The following CHN1 variants were observed in gnomAD, a reference collection of about 807,000 sequenced individuals.
CHN1 encodes N-chimaerin.
In CHN1, 37 loss-of-function variants were observed where a neutral mutation model predicts 59.5. The ratio of observed to expected loss-of-function variants is 0.62; its 90% CI spans 0.48 to 0.82. CHN1 has a LOEUF of 0.82. CHN1 is among the 40% of genes least tolerant of loss of function. The probability of loss-of-function intolerance (pLI) is 0.00; values close to 1 mark genes in which losing one functional copy is unlikely to be tolerated. For synonymous variants in CHN1, 206 were observed against 200.4 expected, an observed-to-expected ratio of 1.03 and a Z score of -0.24; for missense variants, 469 against 571.0, an observed-to-expected ratio of 0.82 and a Z score of 1.82.
intron 8 of CHN1, among the ~76,000 whole-genome samples, chr2:174,821,001 ATTTCT>A (rs1400130776): frequency 6.6e-6 from 1 of 152,162 alleles, no homozygotes; most frequent in African/African-American, 2.4e-5. Context: ...AGATAAATAC[ATTTCT>A]TTTCTGACAG....
At chr2:174,901,983 A>G (rs1221870298) in intron 5 of CHN1, among the ~76,000 whole-genome samples, 1 of 152,204 alleles carries the variant, frequency 6.6e-6, no homozygotes, top group Non-Finnish European at 1.5e-5. Context: ...ACTGAAAAAA[A>G]GCATACCATA....
chr2:174,803,529 G>A (rs1684794896), intron 11 of CHN1, among the ~76,000 whole-genome samples: 1 of 152,174 alleles, frequency 6.6e-6, no homozygotes, highest in South Asian at 2.1e-4. Flanking sequence ...TAGAATAAAA[G>A]ACGAATACTC....
rs958749293 is a variant in CHN1, at chr2:174,847,439, CTT to C, written c.550-484_550-483del. On this transcript the variant is annotated intron_variant, in intron 6 of 12. Coordinates refer to ENST00000409900, the MANE Select transcript of CHN1 (RefSeq NM_001822.7). ...AACATACAAAACACTCAGCATCTCT[CTT>C]TATCATTTTTTAAAAGGCATGCAAT... is the stretch of plus-strand genomic sequence containing the variant. The C allele has an allele frequency of 2.1e-5, 25 of 1,198,094 alleles. No individual in the cohort carries two copies. In the African/African-American group the frequency reaches 2.7e-4, roughly 13 times the overall value. 74.2% of individuals were successfully genotyped at this position (1,198,094 alleles called of 1,614,324 possible). A position where few individuals can be genotyped will look rare whatever the true frequency, so the allele number is the denominator to read the frequency against.
Position 174,875,222 on chromosome 2 carries a change from G to C in CHN1, c.549+2618C>G, listed in dbSNP as rs528519779. 3.8e-4 allele frequency among the ~76,000 whole-genome samples: 58 copies of C among 152,226 alleles called. No individual in the cohort carries two copies. The South Asian group carries it at 0.011, about 30-fold the overall frequency. On this transcript the variant is annotated intron_variant, in intron 6 of 12. Transcript: ENST00000409900. Reference sequence around the variant, plus strand: ...TTAAATTTTCATCAAACCTATTTGAGCATAGAACCCTTTCTGCAGTATTTA... The same window carrying C: ...TTAAATTTTCATCAAACCTATTTGACCATAGAACCCTTTCTGCAGTATTTA...
intron 1 of CHN1, among the ~76,000 whole-genome samples, chr2:174,962,789 A>C (rs987738848): frequency 4.6e-5 from 7 of 151,428 alleles, no homozygotes; most frequent in African/African-American, 1.7e-4. Flanking sequence ...ATGCATCTGT[A>C]ATCCCTGCTA....
At position 174,887,808 on chromosome 2, in the gene CHN1, T is replaced by C. The variant is rs746894341; in HGVS notation, c.261-9680A>G. Among the ~76,000 whole-genome samples, 21 of 152,194 alleles carry C rather than the reference T, an allele frequency of 1.4e-4. 1 individual carries two copies. Among genetic ancestry groups the C allele is most frequent in the African/African-American group, 3.4e-4 (14 of 41,446 alleles). ...AAAAATAGATTTCTGCAGTTTCCTA[T>C]TTATGCAAAGAACTGTATCACAGAA... On this transcript the variant is annotated intron_variant, in intron 5 of 12. Transcript: ENST00000409900.
intron 1 of CHN1, among the ~76,000 whole-genome samples, chr2:174,988,468 C>G (rs1410215701): frequency 6.6e-6 from 1 of 152,056 alleles, no homozygotes; most frequent in Non-Finnish European, 1.5e-5. Flanking sequence ...AACTTCCCAA[C>G]TCTGTTTCAA....
intron 5 of CHN1, among the ~76,000 whole-genome samples, chr2:174,905,531 T>C (rs16862920): frequency 0.045 from 6,850 of 152,176 alleles, 216 homozygotes; most frequent in African/African-American, 0.084. Context: ...GACAGAATAC[T>C]AGTGAATAAA....
At chr2:174,852,327 A>T (rs1313279044) in intron 6 of CHN1, among the ~76,000 whole-genome samples, 1 of 152,138 alleles carries the variant, frequency 6.6e-6, no homozygotes, top group Non-Finnish European at 1.5e-5. Flanking sequence ...AATCCCATTT[A>T]AAGTAGCCAC....
rs2105479665 is a variant in CHN1, at chr2:175,005,026, G to A, written c.-114C>T. The A allele has an allele frequency of 2.1e-6, 3 of 1,438,326 alleles. No homozygotes were observed. In the East Asian group the frequency reaches 8.7e-5, roughly 42 times the overall value. The allele number at this position is 1,438,326 out of a possible 1,614,324, so 89.1% of individuals were successfully genotyped here. On this transcript the variant is annotated 5_prime_UTR_variant, in exon 1 of 13. Coordinates refer to ENST00000409900, the MANE Select transcript of CHN1 (RefSeq NM_001822.7). ...CGGAGAGAGTGGGGTGCCCGATGGG[G>A]CGTGCTGGGGGCGCCGGCGCCCGGG...
intron 2 of CHN1, among the ~76,000 whole-genome samples, chr2:174,951,084 A>C (rs1450551001): frequency 6.6e-6 from 1 of 152,240 alleles, no homozygotes; most frequent in Non-Finnish European, 1.5e-5. Flanking sequence ...CGGCCAGAGA[A>C]GAATTTTAAA....
intron 4 of CHN1, among the ~76,000 whole-genome samples, chr2:174,915,670 A>G (rs1688827648): frequency 6.6e-6 from 1 of 152,210 alleles, no homozygotes; most frequent in South Asian, 2.1e-4. Flanking sequence ...AATCTGCATT[A>G]CTGAACACTC....
intron 2 of CHN1, among the ~76,000 whole-genome samples, chr2:174,946,708 C>T (rs1222395379): frequency 6.6e-6 from 1 of 151,844 alleles, no homozygotes; most frequent in African/African-American, 2.4e-5. Context: ...TGTATCACCC[C>T]ATGATATGTG....
chr2:174,927,574 C>CT (rs1049378981), intron 3 of CHN1, among the ~76,000 whole-genome samples: 1 of 151,952 alleles, frequency 6.6e-6, no homozygotes, highest in Admixed American at 6.6e-5. Context: ...AATGTTATTT[C>CT]TTTTTTTTAT....
At chr2:174,841,205 T>C (rs778547729) in intron 7 of CHN1, among the ~76,000 whole-genome samples, 5 of 152,202 alleles carry the variant, frequency 3.3e-5, no homozygotes, top group Non-Finnish European at 7.4e-5. Flanking sequence ...CTGATAACCT[T>C]AAGGATCTGA....
intron 7 of CHN1, among the ~76,000 whole-genome samples, chr2:174,844,714 T>C (rs1363554859): frequency 1.3e-5 from 2 of 152,214 alleles, no homozygotes; most frequent in African/African-American, 4.8e-5. Flanking sequence ...AAGTCAAGTA[T>C]GACTTTCCTC....
intron 6 of CHN1, among the ~76,000 whole-genome samples, chr2:174,848,759 T>A (rs1686628495): frequency 6.6e-6 from 1 of 152,152 alleles, no homozygotes; most frequent in Non-Finnish European, 1.5e-5. Flanking sequence ...TCCCTTTTAT[T>A]TTTCTAAAAT....
chr2:174,917,026 C>T (rs186048831), intron 4 of CHN1, among the ~76,000 whole-genome samples: 310 of 152,034 alleles, frequency 2.0e-3, no homozygotes, highest in African/African-American at 7.3e-3. Flanking sequence ...ACCCCATCTC[C>T]ACTAAAAACA....
At chr2:174,883,917 A>G (rs532393728) in intron 5 of CHN1, among the ~76,000 whole-genome samples, 1 of 151,894 alleles carries the variant, frequency 6.6e-6, no homozygotes, top group African/African-American at 2.4e-5. Context: ...GATAAAAAAA[A>G]GGAGAGAAAA....
Sources: gnomAD v4.1 joint callset for allele counts (sites outside exome capture counted in the v4.1 genomes callset) on GRCh38, gnomAD v4.1.1 for gene constraint, MANE v1.5 for transcripts, NCBI Gene and HGNC (gene_info 2026-07-23, HGNC 2026-07-21) for gene names.